Variants in STK40 observed in about 807,000 individuals in gnomAD.
STK40 encodes serine/threonine kinase 40.
A neutral mutation model predicts 47.9 loss-of-function variants in STK40; 13 were observed. The observed-to-expected ratio is 0.27, with a 90% CI of 0.18 to 0.43. The LOEUF is 0.43. STK40 is among the 20% of genes least tolerant of loss of function. STK40 has a pLI of 1.00. For missense variants in STK40, 460 were observed against 595.1 expected (o/e 0.77, Z 2.36); for synonymous variants, 225 against 243.2 (o/e 0.93, Z 0.69).
chr1:36,349,130 A>C (rs555257997), intron 6 of STK40, among the ~76,000 whole-genome samples: 2 of 152,318 alleles, frequency 1.3e-5, no homozygotes, highest in East Asian at 3.9e-4. Flanking sequence ...TAGGGCTTAG[A>C]ACAACTTTCA....
chr1:36,358,216 G>A, intron 4 of STK40, 23 bp downstream of exon 4: 1 of 1,567,124 alleles, frequency 6.4e-7, no homozygotes, highest in Non-Finnish European at 8.7e-7. Context: ...TGAGCGCGAA[G>A]GGTGAGGGGG....
At chr1:36,362,351 C>CTG (rs1646859950) in intron 1 of STK40, among the ~76,000 whole-genome samples, 1 of 152,176 alleles carries the variant, frequency 6.6e-6, no homozygotes, top group African/African-American at 2.4e-5. Context: ...AGTGTGGGTG[C>CTG]AGGGCTCCGG....
chr1:36,356,582 T>C (rs956053489), intron 4 of STK40, among the ~76,000 whole-genome samples: 15 of 151,960 alleles, frequency 9.9e-5, no homozygotes, highest in South Asian at 4.2e-4. Flanking sequence ...CCCACCACCA[T>C]GCCCGGCTAA....
chr1:36,379,802 A>G (rs1647025039), intron 1 of STK40, among the ~76,000 whole-genome samples: 1 of 152,160 alleles, frequency 6.6e-6, no homozygotes, highest in South Asian at 2.1e-4. Flanking sequence ...TATTAAAAGG[A>G]GACCTAGAAA....
At chr1:36,374,044 C>G (rs1049434464) in intron 1 of STK40, among the ~76,000 whole-genome samples, 5 of 152,266 alleles carry the variant, frequency 3.3e-5, no homozygotes, top group African/African-American at 1.2e-4. Flanking sequence ...CCTCTGCCAC[C>G]GCTGCCTTTC....
chr1:36,364,988 CTT>C (rs747047937), intron 1 of STK40, among the ~76,000 whole-genome samples: 10 of 126,896 alleles, frequency 7.9e-5, no homozygotes, highest in Non-Finnish European at 8.3e-5. Context: ...GGTCCTTATT[CTT>C]TTTTTTTTTT....
intron 4 of STK40, 46 bp from the exon 5 acceptor site, chr1:36,355,479 G>C: frequency 6.3e-7 from 1 of 1,596,790 alleles, no homozygotes; most frequent in South Asian, 1.1e-5. Context: ...GAACTTGGCA[G>C]GGCCAAGGCC....
chr1:36,379,874 T>C (rs1361495189), intron 1 of STK40, among the ~76,000 whole-genome samples: 1 of 152,232 alleles, frequency 6.6e-6, no homozygotes, highest in Non-Finnish European at 1.5e-5. Context: ...TCTAGAAATT[T>C]ATCCTGCAGA....
chr1:36,356,421 T>TTTG (rs1294841442), intron 4 of STK40, among the ~76,000 whole-genome samples: 1 of 133,134 alleles, frequency 7.5e-6, no homozygotes, highest in African/African-American at 3.0e-5. Context: ...TCTTTTTCTT[T>TTTG]TTTTTTTTTT....
chr1:36,381,779 G>C (rs1461582191), intron 1 of STK40, among the ~76,000 whole-genome samples: 1 of 152,082 alleles, frequency 6.6e-6, no homozygotes, highest in African/African-American at 2.4e-5. Context: ...GTGAGCTGCT[G>C]TGCCCAGTCC....
chr1:36,348,740 C>G lies in STK40; in HGVS notation c.699G>C (p.Gln233His). 1 of 1,610,962 alleles carries G rather than the reference C, an allele frequency of 6.2e-7. No homozygotes were observed. The highest frequency in any genetic ancestry group is 8.5e-7 in the Non-Finnish European group (1 of 1,178,540). Reference sequence around the variant, plus strand: ...GACTGATGTAGGCAGGGCTCCCTCTCTGGTCCTTCAGCAGGTCCCCCTCGC... The same window carrying G: ...GACTGATGTAGGCAGGGCTCCCTCTGTGGTCCTTCAGCAGGTCCCCCTCGC... ...LVSEGDLLKD[Q>H]RGSPAYISPD... The change falls in exon 7 of 11, where the codon CAG becomes CAC. Residue 233 changes from glutamine (Q) to histidine (H), a missense_variant. Physicochemically the swap from Gln to His is conservative, Grantham distance 24. This residue lies in a region of STK40 where 277 missense variants were observed against 358.7 expected (regional missense o/e 0.77). Coordinates refer to ENST00000373132, the MANE Select transcript of STK40 (RefSeq NM_001282547.2).
chr1:36,345,848 C>T (rs978913044), intron 7 of STK40, among the ~76,000 whole-genome samples: 3 of 151,274 alleles, frequency 2.0e-5, no homozygotes, highest in African/African-American at 7.3e-5. Flanking sequence ...CCCAGACAAA[C>T]TCGCTGGGAG....
At chr1:36,352,685 C>A (rs1646769800) in intron 6 of STK40, among the ~76,000 whole-genome samples, 1 of 152,200 alleles carries the variant, frequency 6.6e-6, no homozygotes, top group South Asian at 2.1e-4. Flanking sequence ...ACTTTCTCAG[C>A]CTGGCAAATC....
chr1:36,380,057 C>T (rs1036383492), intron 1 of STK40, among the ~76,000 whole-genome samples: 4 of 152,142 alleles, frequency 2.6e-5, no homozygotes, highest in African/African-American at 4.8e-5. Context: ...CTGCATGTGC[C>T]AAAGTGGAAC....
chr1:36,368,283 A>AT (rs1491408440), intron 1 of STK40, among the ~76,000 whole-genome samples: 14 of 150,814 alleles, frequency 9.3e-5, no homozygotes, highest in East Asian at 7.7e-4. Context: ...CTATATATAT[A>AT]TTTTTTTTCG....
intron 1 of STK40, chr1:36,372,846 A>C (rs1003301004): frequency 1.3e-4 from 19 of 151,874 alleles, no homozygotes; most frequent in African/African-American, 4.1e-4. Context: ...AGCATCCCCC[A>C]CCCTTCCCTG....
In STK40 at chr1:36,352,542, C is replaced by T. The variant is rs532420720; in HGVS notation, c.623+1822G>A. Among the ~76,000 whole-genome samples the T allele has an allele frequency of 3.9e-5, 6 of 152,278 alleles. No homozygotes were observed. The South Asian group carries it at 1.2e-3, about 32-fold the overall frequency. The stretch of plus-strand genomic sequence containing the variant: ...GCACTGGGAAGTGAGCCAGGTCTGA[C>T]CCCCATGTCAGTGCTGCTTCCGTCC... On this transcript the variant is annotated intron_variant, in intron 6 of 10. Coordinates refer to ENST00000373132, the MANE Select transcript of STK40 (RefSeq NM_001282547.2).
intron 1 of STK40, among the ~76,000 whole-genome samples, chr1:36,383,228 G>A (rs1647055751): frequency 6.6e-6 from 1 of 152,228 alleles, no homozygotes; most frequent in Non-Finnish European, 1.5e-5. Context: ...ACAGGCGTGA[G>A]CCATCATACC....
chr1:36,347,387 GAA>G (rs1448991430), intron 7 of STK40, among the ~76,000 whole-genome samples: 4 of 152,202 alleles, frequency 2.6e-5, no homozygotes, highest in East Asian at 3.9e-4. Flanking sequence ...AGTCGACAGT[GAA>G]AGAGTTGCGA....
Sources: allele counts gnomAD v4.1 joint callset (sites outside exome capture counted in the v4.1 genomes callset), GRCh38; gene constraint gnomAD v4.1.1; regional missense constraint gnomAD v4.1.1; transcripts MANE v1.5; gene names NCBI Gene and HGNC (gene_info 2026-07-23, HGNC 2026-07-21).